The following INTS1 variants were observed in gnomAD, a reference collection of about 807,000 sequenced individuals.
INTS1 encodes the protein integrator complex subunit 1.
Under a neutral mutation model 241.6 loss-of-function variants are expected in INTS1, and 137 were observed. The ratio of observed to expected loss-of-function variants is 0.57; its 90% CI spans 0.49 to 0.65. INTS1 has a LOEUF of 0.65. INTS1 is among the 30% of genes least tolerant of loss of function. The pLI, the probability that INTS1 is intolerant of heterozygous loss-of-function variation, is 0.00. For synonymous variants in INTS1, 1,692 were observed against 1,337.8 expected (o/e 1.26, Z -5.78); for missense variants, 3,073 against 3,032.2 (o/e 1.01, Z -0.32).
intron 25 of INTS1, 51 bp from the exon 26 acceptor site, chr7:1,483,904 A>G (rs1782118126): frequency 6.3e-7 from 1 of 1,587,960 alleles, no homozygotes; most frequent in Non-Finnish European, 8.6e-7. Context: ...ACCCTGAGCC[A>G]GCGCCGAGGG....
rs1460766275 is a variant in INTS1, at chr7:1,470,882, G to A, written c.6421C>T (p.Leu2141Phe). The A allele has an allele frequency of 1.3e-5, 21 of 1,594,596 alleles. No homozygotes were observed. The highest frequency in any genetic ancestry group is 1.6e-4 in the Middle Eastern group (1 of 6,064). ...SQDFEVVQTALRNLPEYALLC... is the reference protein window; with the variant it reads ...SQDFEVVQTAFRNLPEYALLC... ...AGAGCGTACTCAGGCAGGTTCCGGA[G>A]GGCCGTCTGCACCACCTCAAAGTCC... The change falls in exon 47 of 48, where the codon CTC becomes TTC. Residue 2141 changes from leucine (L) to phenylalanine (F), a missense_variant. Transcript: ENST00000404767.
rs183493497 is a variant in INTS1 at position 1,492,910 on chromosome 7, G to A, written c.2165+100C>T. Reference sequence around the variant, plus strand: ...TGGGGAGCGGGGCGCAGGCTTACCCGGGCGGGAGTGGGGAGCGGGGCGCGG... The same window carrying A: ...TGGGGAGCGGGGCGCAGGCTTACCCAGGCGGGAGTGGGGAGCGGGGCGCGG... On this transcript the variant is annotated intron_variant, in intron 16 of 47. Coordinates refer to ENST00000404767, the MANE Select transcript of INTS1 (RefSeq NM_001080453.3). The A allele has an allele frequency of 2.1e-3, 1,479 of 688,042 alleles. 128 individuals carry two copies. The African/African-American group carries it at 0.022, about 10-fold the overall frequency. The allele number at this position is 688,042 out of a possible 1,614,324, so 42.6% of individuals were successfully genotyped here. A position where few individuals can be genotyped will look rare whatever the true frequency, so the allele number is the denominator to read the frequency against.
intron 2 of INTS1, 121 bp from the exon 3 acceptor site, chr7:1,503,312 A>C: frequency 9.3e-7 from 1 of 1,069,812 alleles, no homozygotes; most frequent in East Asian, 2.5e-5. Context: ...GCAAGGAAGA[A>C]GCCAGAGCTC....
At position 1,470,452 on chromosome 7, in the gene INTS1, C is replaced by A. The variant is rs1781400350; in HGVS notation, c.*125G>T. The A allele has an allele frequency of 4.3e-6, 3 of 701,968 alleles. No homozygotes were observed. The highest frequency in any genetic ancestry group is 6.7e-6 in the Non-Finnish European group (3 of 445,686). The allele number at this position is 701,968 out of a possible 1,614,324, so 43.5% of individuals were successfully genotyped here. A position where few individuals can be genotyped will look rare whatever the true frequency, so the allele number is the denominator to read the frequency against. ...GAGTATTGCTCCTGGGCCTGCCTGG[C>A]CTCAGGGCTCGGCGCCCTCACCTCC... On this transcript the variant is annotated 3_prime_UTR_variant, in exon 48 of 48. Transcript: ENST00000404767.
At position 1,498,444 on chromosome 7, in the gene INTS1, C is replaced by T. The variant is rs780954175; in HGVS notation, c.1393G>A (p.Ala465Thr). ...NPNNMQVLYT[A>T]LQHSSELAPK... ...GCCAGCTCTGAGCTGTGCTGCAGTG[C>T]GGTATAGAGGACCTGCATGTTGTTC... The change falls in exon 10 of 48, where the codon GCA becomes ACA. Residue 465 changes from alanine to threonine, a missense_variant. Coordinates refer to ENST00000404767, the MANE Select transcript of INTS1 (RefSeq NM_001080453.3). 5.0e-6 allele frequency: 8 copies of T among 1,613,728 alleles called. No individual in the cohort carries two copies. Among genetic ancestry groups the T allele is most frequent in the Middle Eastern group, 1.6e-4 (1 of 6,066 alleles).
At chr7:1,480,536 C>T in intron 29 of INTS1, 95 bp from the exon 30 acceptor site, 16 of 1,395,222 alleles carry the variant, frequency 1.1e-5, no homozygotes, top group Admixed American at 2.4e-5. Flanking sequence ...TGCCCGGGGA[C>T]TGTCACCCAG....
In INTS1 at chr7:1,481,735, C is replaced by A. The variant is rs1197491212; in HGVS notation, c.3704-247G>T. Among the ~76,000 whole-genome samples the A allele has an allele frequency of 3.4e-5, 5 of 148,410 alleles. No individual in the cohort carries two copies. Among genetic ancestry groups the A allele is most frequent in the Non-Finnish European group, 6.0e-5 (4 of 67,044 alleles). On this transcript the variant is annotated intron_variant, in intron 27 of 47. Coordinates refer to ENST00000404767, the MANE Select transcript of INTS1 (RefSeq NM_001080453.3). This position sits in a 1 kb window ranked among gnomAD's most constrained non-coding sequence, Gnocchi z 6.8. The stretch of plus-strand genomic sequence containing the variant: ...GGGCAGTGCACACTCGGCAGCCCCA[C>A]CCGAGACCTGGGGCAGTGCACACTC...
chr7:1,503,094 G>A lies in INTS1; in HGVS notation c.156C>T (p.Gly52=). 6.2e-7 allele frequency: 1 copy of A among 1,610,956 alleles called. No individual in the cohort carries two copies. ...ASTLLKPAPS[G]LPSERKRDAA... ...CATCCCGCTTGCGCTCAGAAGGCAG[G>A]CCGGAAGGGGCTGGCTTCAGCAGGG... The change falls in exon 3 of 48, where the codon GGC becomes GGT. Residue 52 remains glycine, a synonymous_variant. Coordinates refer to ENST00000404767, the MANE Select transcript of INTS1 (RefSeq NM_001080453.3).
chr7:1,472,109 T>C, intron 44 of INTS1, 164 bp downstream of exon 44: 2 of 613,284 alleles, frequency 3.3e-6, no homozygotes, highest in East Asian at 2.8e-5. Context: ...TCTAAGGCCC[T>C]CTCTGGGGGT....
intron 3 of INTS1, among the ~76,000 whole-genome samples, chr7:1,501,876 C>T (rs1783198002): frequency 6.6e-6 from 1 of 152,200 alleles, no homozygotes; most frequent in African/African-American, 2.4e-5. Context: ...CAGGCCAGGC[C>T]AGGCCTCCAT....
chr7:1,501,584 C>G (rs1052173948), intron 3 of INTS1, among the ~76,000 whole-genome samples: 1 of 152,186 alleles, frequency 6.6e-6, no homozygotes, highest in Non-Finnish European at 1.5e-5. Flanking sequence ...TCTTCAAAAC[C>G]TCCTTTCTAC....
intron 14 of INTS1, among the ~76,000 whole-genome samples, chr7:1,494,253 A>G (rs1177005645): frequency 6.6e-6 from 1 of 152,206 alleles, no homozygotes; most frequent in Non-Finnish European, 1.5e-5. Context: ...GGGGGCCAGG[A>G]GACAGAGATA....
intron 16 of INTS1, among the ~76,000 whole-genome samples, chr7:1,491,020 G>A (rs551719476): frequency 6.3e-4 from 96 of 152,350 alleles, no homozygotes; most frequent in African/African-American, 2.2e-3. Flanking sequence ...CAACAGTGCT[G>A]CGACAACCAG....
chr7:1,490,571 G>T (rs1237825767), intron 16 of INTS1, among the ~76,000 whole-genome samples: 1 of 152,186 alleles, frequency 6.6e-6, no homozygotes. Flanking sequence ...CCCCTGAAAG[G>T]GTGTCAGCTC....
intron 44 of INTS1, chr7:1,471,908 C>T (rs575809415): frequency 8.6e-6 from 5 of 581,500 alleles, no homozygotes; most frequent in East Asian, 2.8e-5. Flanking sequence ...AGTGTCCCCA[C>T]GGCCCGACTC....
In INTS1 at chr7:1,497,531, G is replaced by C. The variant is rs1022177136; in HGVS notation, c.1426-217C>G. 6.6e-5 allele frequency among the ~76,000 whole-genome samples: 10 copies of C among 152,182 alleles called. No homozygotes were observed. Among genetic ancestry groups the C allele is most frequent in the Non-Finnish European group, 1.3e-4 (9 of 68,032 alleles). ...CCCTCTCTGAGAACCGGCAGGTGGGGAGTCGGTCCTCGTGAAATGAGGAGG... is the reference window on the plus strand; with the variant it reads ...CCCTCTCTGAGAACCGGCAGGTGGGCAGTCGGTCCTCGTGAAATGAGGAGG... On this transcript the variant is annotated intron_variant, in intron 10 of 47. Coordinates refer to ENST00000404767, the MANE Select transcript of INTS1 (RefSeq NM_001080453.3). The surrounding 1 kb of genome is among the most constrained non-coding windows in gnomAD (Gnocchi z 5.3).
At chr7:1,479,247 G>T (rs146622341) in intron 31 of INTS1, among the ~76,000 whole-genome samples, 183 bp downstream of exon 31, 1 of 152,236 alleles carries the variant, frequency 6.6e-6, no homozygotes, top group African/African-American at 2.4e-5. Context: ...CCCACCTCCC[G>T]TCCCGGGGGA....
chr7:1,477,830 G>A lies in INTS1; in HGVS notation c.4737C>T (p.Pro1579=), dbSNP rs375591538. 226 of 1,612,484 alleles carry A rather than the reference G, an allele frequency of 1.4e-4. No individual in the cohort carries two copies. The highest frequency in any genetic ancestry group is 4.2e-4 in the East Asian group (19 of 44,894). ...DAASPFPACK[P]VVVVSSLLLQ... ...GCAGCAGGGAGCTCACCACCACAAC[G>A]GGCTTACAGGCTGGAAACGGGGAGG... Residue 1579 remains proline (P), a synonymous_variant, in exon 34 of 48, where the codon CCC becomes CCT. Transcript: ENST00000404767.
chr7:1,471,665 C>T, intron 44 of INTS1, 24 bp from the exon 45 acceptor site: 1 of 1,610,428 alleles, frequency 6.2e-7, no homozygotes, highest in Non-Finnish European at 8.5e-7. Context: ...AGGGCCAGAC[C>T]AGAACTGAAG....
Sources: allele counts gnomAD v4.1 joint callset (sites outside exome capture counted in the v4.1 genomes callset), GRCh38; gene constraint gnomAD v4.1.1; non-coding constraint Gnocchi (gnomAD v3.1); transcripts MANE v1.5; gene names NCBI Gene and HGNC (gene_info 2026-07-23, HGNC 2026-07-21).